COL18A1: variants seen among roughly 807,000 people sequenced by gnomAD.
The protein encoded by COL18A1 is collagen type XVIII alpha 1 chain, also known as collagen alpha-1(XVIII) chain.
A neutral mutation model predicts 168.0 loss-of-function variants in COL18A1; 133 were observed. The observed-to-expected ratio is 0.79, with a 90% CI of 0.69 to 0.91. The LOEUF is 0.91. Among genes scored for constraint, COL18A1 ranks in the 40% least tolerant of loss-of-function variants. COL18A1 has a pLI of 0.00. For synonymous variants in COL18A1, 949 were observed against 809.0 expected (o/e 1.17, Z -2.94); for missense variants, 2,126 against 1,925.4 (o/e 1.10, Z -1.95).
intron 2 of COL18A1, among the ~76,000 whole-genome samples, chr21:45,418,062 G>A (rs1025327467): frequency 3.9e-5 from 6 of 152,230 alleles, no homozygotes; most frequent in South Asian, 4.1e-4. Context: ...CCCCCGGAGC[G>A]CTGGCTGTGA....
intron 2 of COL18A1, among the ~76,000 whole-genome samples, chr21:45,437,267 C>T (rs1185501904): frequency 9.9e-6 from 1 of 101,170 alleles, no homozygotes; most frequent in South Asian, 3.1e-4. Flanking sequence ...CTCACACACT[C>T]AGACACACAG....
chr21:45,505,130 G>C lies in COL18A1; in HGVS notation c.2869-4G>C. 6.2e-7 allele frequency: 1 copy of C among 1,608,332 alleles called. No individual in the cohort carries two copies. Among genetic ancestry groups the C allele is most frequent in the East Asian group, 2.2e-5 (1 of 44,730 alleles). On this transcript the variant is annotated splice_region_variant and splice_polypyrimidine_tract_variant and intron_variant, in intron 34 of 41. Coordinates refer to ENST00000651438, the MANE Select transcript of COL18A1 (RefSeq NM_001379500.1). ...CAGGAAGCGTCTCTTGTCGCCGTCC[G>C]TAGGGTCCCAAGGGAGAGAGCATCC...
intron 38 of COL18A1, 113 bp downstream of exon 38, chr21:45,507,706 T>C (rs1483234939): frequency 4.0e-6 from 4 of 1,006,886 alleles, no homozygotes; most frequent in Non-Finnish European, 6.2e-6. Flanking sequence ...GAGCTGAACA[T>C]GTGGCTCACC....
intron 2 of COL18A1, among the ~76,000 whole-genome samples, chr21:45,427,169 C>T (rs944212654): frequency 9.2e-5 from 14 of 152,216 alleles, no homozygotes; most frequent in Non-Finnish European, 1.5e-4. Flanking sequence ...ATGGCAGCCA[C>T]GCTGGGGGCT....
Position 45,457,630 on chromosome 21 carries a change from CCT to C in COL18A1, c.107-10609_107-10608del, listed in dbSNP as rs2034885860. The stretch of plus-strand genomic sequence containing the variant: ...CCAGAAAGGACCCCAGCAGATCCCT[CCT>C]CTGTGTCCGGGAGTAGACGGGGCCC... On this transcript the variant is annotated intron_variant, in intron 2 of 41. Transcript: ENST00000651438. The surrounding 1 kb of genome is among the most constrained non-coding windows in gnomAD (Gnocchi z 4.6). Among the ~76,000 whole-genome samples the C allele has an allele frequency of 6.6e-6, 1 of 152,214 alleles. No homozygotes were observed. The highest frequency in any genetic ancestry group is 1.5e-5 in the Non-Finnish European group (1 of 68,034).
In COL18A1 at chr21:45,405,320, CGGGTCCTGCGGGGGTCGCGG is replaced by C. The variant is rs1211489713; in HGVS notation, c.12-45_12-26del. 173 of 385,548 alleles carry C rather than the reference CGGGTCCTGCGGGGGTCGCGG, an allele frequency of 4.5e-4. No individual in the cohort carries two copies. The South Asian group carries it at 7.0e-3, about 16-fold the overall frequency. 23.9% of individuals were successfully genotyped at this position (385,548 alleles called of 1,614,324 possible). A position where few individuals can be genotyped will look rare whatever the true frequency, so the allele number is the denominator to read the frequency against. ...GGTCGCGGGGGTCGCGGGGCTCGGC[CGGGTCCTGCGGGGGTCGCGG>C]GGGTCCTGCGGGGTCTGACCCGTGC... is the stretch of plus-strand genomic sequence containing the variant. On this transcript the variant is annotated intron_variant, in intron 1 of 41. Coordinates refer to ENST00000651438, the MANE Select transcript of COL18A1 (RefSeq NM_001379500.1).
At chr21:45,490,552 CTGGGTCTCCGTGTGCCCTCT>C (rs2036293099) in intron 20 of COL18A1, among the ~76,000 whole-genome samples, 2 of 106,394 alleles carry the variant, frequency 1.9e-5, no homozygotes, top group African/African-American at 8.6e-5. Flanking sequence ...GTGTGCCCTC[CTGGGTCTCCGTGTGCCCTCT>C]CAGGTCCCTG....
chr21:45,476,275 C>G (rs914064814), intron 5 of COL18A1, 76 bp from the exon 6 acceptor site: 2 of 1,600,996 alleles, frequency 1.2e-6, no homozygotes, highest in Non-Finnish European at 1.7e-6. Flanking sequence ...TTAAGTATTT[C>G]ATTTCACAAA....
intron 9 of COL18A1, 126 bp from the exon 10 acceptor site, chr21:45,479,776 C>T: frequency 7.3e-7 from 1 of 1,373,626 alleles, no homozygotes; most frequent in Middle Eastern, 2.5e-4. Context: ...ACTTTCCGGG[C>T]CCCAGAGACT....
chr21:45,466,493 C>T (rs770083123), intron 2 of COL18A1, among the ~76,000 whole-genome samples: 4 of 151,512 alleles, frequency 2.6e-5, no homozygotes, highest in African/African-American at 4.9e-5. Context: ...CTCTCGCACC[C>T]GGGAAGGCTG....
In COL18A1 at chr21:45,509,565, C is replaced by G; in HGVS notation, c.3459C>G (p.Ser1153Arg). 6.5e-7 allele frequency: 1 copy of G among 1,529,876 alleles called. No homozygotes were observed. Among genetic ancestry groups the G allele is most frequent in the South Asian group, 1.2e-5 (1 of 84,090 alleles). 94.8% of individuals were successfully genotyped at this position (1,529,876 alleles called of 1,614,324 possible). Residue 1153 changes from serine (S) to arginine (R), a missense_variant, in exon 39 of 42, where the codon AGC (serine) becomes AGG (arginine). Coordinates refer to ENST00000651438, the MANE Select transcript of COL18A1 (RefSeq NM_001379500.1). ...ACCTGCGGCCGGCGCGACCCACAAG[C>G]CCACCCGCCCACAGCCACCGCGACT... ...YVHLRPARPTSPPAHSHRDFQ... is the reference protein window; with the variant it reads ...YVHLRPARPTRPPAHSHRDFQ...
At chr21:45,503,159 A>G (rs1026636660) in intron 32 of COL18A1, among the ~76,000 whole-genome samples, 1 of 152,156 alleles carries the variant, frequency 6.6e-6, no homozygotes, top group African/African-American at 2.4e-5. Flanking sequence ...GACTTCCACA[A>G]TGGTTGAACT....
chr21:45,413,912 G>A (rs1439620045), intron 2 of COL18A1, among the ~76,000 whole-genome samples: 1 of 152,204 alleles, frequency 6.6e-6, no homozygotes, highest in African/African-American at 2.4e-5. Flanking sequence ...GGAGCCTTAT[G>A]GAGTGAGCTG....
chr21:45,417,481 T>C (rs2033480091), intron 2 of COL18A1, among the ~76,000 whole-genome samples: 1 of 152,148 alleles, frequency 6.6e-6, no homozygotes. Context: ...GCTTGCTCAG[T>C]GTCCTCAGGT....
intron 2 of COL18A1, among the ~76,000 whole-genome samples, chr21:45,406,078 C>T (rs1322163012): frequency 6.6e-6 from 1 of 152,176 alleles, no homozygotes; most frequent in East Asian, 1.9e-4. Flanking sequence ...CCGGCCTCGC[C>T]GCTTCCCGTG....
intron 2 of COL18A1, among the ~76,000 whole-genome samples, chr21:45,458,907 A>G (rs2034944016): frequency 6.6e-6 from 1 of 152,184 alleles, no homozygotes. Flanking sequence ...GCACAGCTGC[A>G]TGGCTTGGGG....
At chr21:45,484,658 G>A (rs1247412855) in intron 15 of COL18A1, among the ~76,000 whole-genome samples, 1 of 144,044 alleles carries the variant, frequency 6.9e-6, no homozygotes. Context: ...TCTCTTATGT[G>A]CACATACACA....
In COL18A1 at chr21:45,477,473, G is replaced by A. The variant is rs1297477834; in HGVS notation, c.991G>A (p.Gly331Ser). ...TWDGSVRTPG[G>S]RVKEGGLKGQ... is the part of the protein sequence containing the mutation. ...GGACGGGAGTGTCCGGACCCCTGGG[G>A]GCCGCGTGAAAGAGGTAAGGCCACC... is the stretch of plus-strand genomic sequence containing the variant. The change falls in exon 7 of 42, where the codon GGC (glycine) becomes AGC (serine). Residue 331 changes from glycine (G) to serine (S), a missense_variant. By Grantham distance (56) the Gly-to-Ser change is moderately conservative. Coordinates refer to ENST00000651438, the MANE Select transcript of COL18A1 (RefSeq NM_001379500.1). 3 of 1,611,244 alleles carry A rather than the reference G, an allele frequency of 1.9e-6. No individual in the cohort carries two copies. The highest frequency in any genetic ancestry group is 1.1e-5 in the South Asian group (1 of 90,362).
chr21:45,505,858 C>T lies in COL18A1; in HGVS notation c.3108C>T (p.Arg1036=). The change falls in exon 37 of 42, where the codon CGC becomes CGT. Residue 1036 remains arginine (R), a synonymous_variant. Transcript: ENST00000651438. ...ASSGVRLWAT[R]QAMLGQVHEV... is the part of the protein sequence containing the mutation. ...AGCAGGTGAGGCTCTGGGCTACACG[C>T]CAGGCCATGCTGGGCCAGGTGCACG... 1.2e-6 allele frequency: 2 copies of T among 1,607,444 alleles called. No homozygotes were observed. The highest frequency in any genetic ancestry group is 1.1e-5 in the South Asian group (1 of 91,032).
Sources: allele counts gnomAD v4.1 joint callset (sites outside exome capture counted in the v4.1 genomes callset), GRCh38; gene constraint gnomAD v4.1.1; non-coding constraint Gnocchi (gnomAD v3.1); transcripts MANE v1.5; gene names NCBI Gene and HGNC (gene_info 2026-07-23, HGNC 2026-07-21).